GPM6A: variants seen among roughly 807,000 people sequenced by gnomAD.
GPM6A encodes glycoprotein M6A, also known as neuronal membrane glycoprotein M6-a.
In GPM6A, 7 loss-of-function variants were observed where a neutral mutation model predicts 32.1. The observed-to-expected ratio is 0.22, with a 90% confidence interval of 0.12 to 0.41. The LOEUF (loss-of-function observed/expected upper bound fraction) is 0.41. Ranked by LOEUF, GPM6A falls within the 10% of genes least tolerant of loss-of-function variation. GPM6A has a pLI of 1.00. For missense variants in GPM6A, 235 were observed against 347.2 expected (o/e 0.68, Z 2.57); for synonymous variants, 130 against 123.4 (o/e 1.05, Z -0.35).
chr4:175,968,808 G>A (rs531243790), intron 1 of GPM6A, among the ~76,000 whole-genome samples: 1 of 152,236 alleles, frequency 6.6e-6, no homozygotes, highest in African/African-American at 2.4e-5. Flanking sequence ...AGAAATAGGA[G>A]TTCTCATTCA....
chr4:175,871,520 C>T (rs942306758), intron 1 of GPM6A, among the ~76,000 whole-genome samples: 6 of 152,086 alleles, frequency 3.9e-5, no homozygotes, highest in Non-Finnish European at 5.9e-5. Context: ...AAGTAGCTGC[C>T]TTTCCTCCTG....
At chr4:175,706,078 A>AT (rs1030962188) in intron 1 of GPM6A, among the ~76,000 whole-genome samples, 24 of 152,148 alleles carry the variant, frequency 1.6e-4, no homozygotes, top group African/African-American at 5.8e-4. Context: ...ATATTAAAAG[A>AT]ATTATGAGAT....
At chr4:175,667,810 T>C (rs925616512) in intron 3 of GPM6A, among the ~76,000 whole-genome samples, 4 of 152,004 alleles carry the variant, frequency 2.6e-5, no homozygotes, top group Admixed American at 1.3e-4. Context: ...AATATACAAA[T>C]TTTTTTTAAG....
chr4:175,907,565 C>A (rs1738169732), intron 1 of GPM6A, among the ~76,000 whole-genome samples: 3 of 152,112 alleles, frequency 2.0e-5, no homozygotes, highest in African/African-American at 7.2e-5. Flanking sequence ...GACACCTTGG[C>A]ATTTGCGAAA....
chr4:175,749,363 A>G (rs1203590085), intron 1 of GPM6A, among the ~76,000 whole-genome samples: 3 of 152,334 alleles, frequency 2.0e-5, no homozygotes, highest in African/African-American at 7.2e-5. Flanking sequence ...AAGTGAGCAC[A>G]TGTCAACAGT....
At chr4:175,850,515 G>T (rs1240714849) in intron 1 of GPM6A, among the ~76,000 whole-genome samples, 1 of 152,008 alleles carries the variant, frequency 6.6e-6, no homozygotes, top group Non-Finnish European at 1.5e-5. Context: ...GGACTTGTTG[G>T]CTTTGATATA....
Position 175,701,757 on chromosome 4 carries a change from T to C in GPM6A, c.48A>G (p.Glu16=). The change falls in exon 2 of 7, where the codon GAA becomes GAG. Residue 16 remains glutamate (E), a synonymous_variant. Transcript: ENST00000393658. ...TGCCCCCCAGGCATTTGATACAGCATTCAAAACACCCTGTAGAAGATCACA... is the reference window on the plus strand; with the variant it reads ...TGCCCCCCAGGCATTTGATACAGCACTCAAAACACCCTGTAGAAGATCACA... ...EEGQTQKGCF[E]CCIKCLGGIP... 6.2e-7 allele frequency: 1 copy of C among 1,608,374 alleles called. No individual in the cohort carries two copies. Among genetic ancestry groups the C allele is most frequent in the Non-Finnish European group, 8.5e-7 (1 of 1,175,894 alleles).
At chr4:175,769,690 T>A (rs1044909164) in intron 1 of GPM6A, among the ~76,000 whole-genome samples, 1 of 152,158 alleles carries the variant, frequency 6.6e-6, no homozygotes, top group Non-Finnish European at 1.5e-5. Context: ...AAATGATATA[T>A]TCCCACATCT....
intron 1 of GPM6A, among the ~76,000 whole-genome samples, chr4:175,989,289 G>A (rs375287048): frequency 1.3e-5 from 2 of 152,154 alleles, no homozygotes; most frequent in East Asian, 3.8e-4. Flanking sequence ...AGAACTGAAT[G>A]AGTCTTTCAA....
chr4:175,739,214 T>C (rs1014699374), intron 1 of GPM6A, among the ~76,000 whole-genome samples: 7 of 152,192 alleles, frequency 4.6e-5, no homozygotes, highest in African/African-American at 1.7e-4. Context: ...ATGTTTGTTA[T>C]TCTATTTACC....
intron 1 of GPM6A, among the ~76,000 whole-genome samples, chr4:175,953,534 T>C (rs1739886928): frequency 6.6e-6 from 1 of 152,206 alleles, no homozygotes; most frequent in African/African-American, 2.4e-5. Context: ...ATAGTATTAT[T>C]GCTTTGTTTA....
chr4:175,691,032 T>C (rs1260921757), intron 2 of GPM6A, among the ~76,000 whole-genome samples: 1 of 152,242 alleles, frequency 6.6e-6, no homozygotes, highest in Non-Finnish European at 1.5e-5. Flanking sequence ...TGAGGTATCT[T>C]ACTGACTTAA....
At chr4:175,645,875 C>T (rs534143193) in intron 4 of GPM6A, among the ~76,000 whole-genome samples, 5 of 152,258 alleles carry the variant, frequency 3.3e-5, no homozygotes, top group South Asian at 4.1e-4. Context: ...TTATCATTTA[C>T]GTTGCTAATT....
chr4:175,696,970 C>A (rs1374128308), intron 2 of GPM6A, among the ~76,000 whole-genome samples: 3 of 152,048 alleles, frequency 2.0e-5, no homozygotes, highest in Admixed American at 1.3e-4. Flanking sequence ...TAAATAGGAA[C>A]TATTTTATAT....
At chr4:175,641,454 A>T (rs534625239) in intron 4 of GPM6A, 1 of 152,440 alleles carries the variant, frequency 6.6e-6, no homozygotes, top group Admixed American at 6.5e-5. Flanking sequence ...TAGGCCTAGA[A>T]CACTGCATTT....
rs576981567 is a variant in GPM6A, at chr4:175,944,916, C to A, written c.-23+57393G>T. Reference sequence around the variant, plus strand: ...CGTCTCAGTTTCAGAGACCTCGAATCATTAGTCTTCATGTACATTTTTTTG... The same window carrying A: ...CGTCTCAGTTTCAGAGACCTCGAATAATTAGTCTTCATGTACATTTTTTTG... On this transcript the variant is annotated intron_variant, in intron 1 of 7. Coordinates refer to the GPM6A transcript ENST00000280187. Among the ~76,000 whole-genome samples the A allele has an allele frequency of 2.0e-5, 3 of 152,280 alleles. No individual in the cohort carries two copies. The South Asian group carries it at 6.2e-4, about 32-fold the overall frequency.
At chr4:175,795,575 C>G (rs1335078272) in intron 1 of GPM6A, among the ~76,000 whole-genome samples, 1 of 151,988 alleles carries the variant, frequency 6.6e-6, no homozygotes, top group East Asian at 1.9e-4. Context: ...CATACTGAGA[C>G]CCTATCTCTA....
In GPM6A at chr4:175,932,101, A is replaced by G. The variant is rs1008710508; in HGVS notation, c.-23+70208T>C. 4.6e-5 allele frequency among the ~76,000 whole-genome samples: 7 copies of G among 150,888 alleles called. No homozygotes were observed. The East Asian group carries it at 5.8e-4, about 13-fold the overall frequency. ...CAGAGTGAGATCTTGCCTCTAGGAA[A>G]AAAAAAAAAAAAGAAAAAAAAAGGA... On this transcript the variant is annotated intron_variant, in intron 1 of 7. Coordinates refer to the GPM6A transcript ENST00000280187.
intron 1 of GPM6A, 76 bp downstream of exon 1, chr4:175,812,115 C>T: frequency 9.2e-7 from 1 of 1,088,306 alleles, no homozygotes; most frequent in Non-Finnish European, 1.4e-6. Flanking sequence ...ATTAGCCTTA[C>T]TGGCAAGTGT....
Sources: allele counts gnomAD v4.1 joint callset (sites outside exome capture counted in the v4.1 genomes callset), GRCh38; gene constraint gnomAD v4.1.1; transcripts MANE v1.5; gene names NCBI Gene and HGNC (gene_info 2026-07-23, HGNC 2026-07-21).